Variants in WWOX observed in about 807,000 individuals in gnomAD.
WWOX encodes WW domain containing oxidoreductase, also known as WW domain-containing oxidoreductase.
WWOX carries 69 observed loss-of-function variants against 46.2 expected under a neutral mutation model. The ratio of observed to expected loss-of-function variants is 1.49; its 90% CI spans 1.23 to 1.82. The LOEUF (loss-of-function observed/expected upper bound fraction) is 1.82, where lower values mean the gene tolerates loss of function less well. Ranked by LOEUF, WWOX falls within the 40% of genes most tolerant of loss-of-function variation. WWOX has a pLI of 0.00. For missense variants in WWOX, 919 were observed against 542.6 expected (o/e 1.69, Z -6.89); for synonymous variants, 359 against 202.6 (o/e 1.77, Z -6.56).
intron 7 of WWOX, among the ~76,000 whole-genome samples, chr16:78,430,505 C>T (rs1022866966): frequency 1.7e-4 from 26 of 152,252 alleles, no homozygotes; most frequent in African/African-American, 6.0e-4. Context: ...CTGGGGCATT[C>T]TTCATTGAGC....
chr16:78,524,420 ATTTATTTATTTG>A (rs1567621566), intron 8 of WWOX, among the ~76,000 whole-genome samples: 84 of 95,094 alleles, frequency 8.8e-4, no homozygotes, highest in African/African-American at 2.7e-3. Context: ...TTATTTATTT[ATTTATTTATTTG>A]TTTGTTTGAG....
intron 8 of WWOX, among the ~76,000 whole-genome samples, chr16:78,499,864 C>T (rs983999002): frequency 2.6e-5 from 4 of 152,188 alleles, no homozygotes; most frequent in Admixed American, 2.6e-4. Context: ...ATGGACCCCT[C>T]CCTTACATTC....
In WWOX at chr16:79,160,302, G is replaced by C. The variant is rs140036353; in HGVS notation, c.1057-51306G>C. On this transcript the variant is annotated intron_variant, in intron 8 of 8. Coordinates refer to ENST00000566780, the MANE Select transcript of WWOX (RefSeq NM_016373.4). ...AGACTATTTCGTGAGAAAGAAGGAA[G>C]ATAGACTCCATGCAACACAGTGGGT... Among the ~76,000 whole-genome samples the C allele has an allele frequency of 1.2e-3, 186 of 152,296 alleles. 1 individual carries two copies. Among genetic ancestry groups the C allele is most frequent in the African/African-American group, 4.1e-3 (169 of 41,572 alleles).
chr16:78,304,610 G>T (rs568831291), intron 5 of WWOX, among the ~76,000 whole-genome samples: 2 of 152,142 alleles, frequency 1.3e-5, no homozygotes, highest in Non-Finnish European at 2.9e-5. Flanking sequence ...AGATATATAC[G>T]CGTGCTGCTT....
intron 7 of WWOX, among the ~76,000 whole-genome samples, chr16:78,431,248 G>A: frequency 6.6e-6 from 1 of 152,136 alleles, no homozygotes; most frequent in East Asian, 1.9e-4. Flanking sequence ...CATGCCATGG[G>A]TATACTTAAA....
chr16:78,991,353 G>T (rs906775362), intron 8 of WWOX, among the ~76,000 whole-genome samples: 1 of 152,124 alleles, frequency 6.6e-6, no homozygotes, highest in South Asian at 2.1e-4. Flanking sequence ...CAGCATTTTG[G>T]GAGGCTGAGA....
At chr16:78,426,642 T>G (rs968535880) in intron 7 of WWOX, among the ~76,000 whole-genome samples, 1 of 152,124 alleles carries the variant, frequency 6.6e-6, no homozygotes, top group African/African-American at 2.4e-5. Flanking sequence ...TTCCAATTAT[T>G]CTTTGCACAT....
intron 8 of WWOX, among the ~76,000 whole-genome samples, chr16:78,458,378 A>T (rs973434512): frequency 1.3e-5 from 2 of 151,208 alleles, no homozygotes; most frequent in African/African-American, 4.9e-5. Context: ...CTCTGGCCTC[A>T]GCCTCCCAAG....
chr16:78,108,508 G>A (rs760754269), intron 2 of WWOX, 21 bp downstream of exon 2: 1 of 1,613,222 alleles, frequency 6.2e-7, no homozygotes, highest in South Asian at 1.1e-5. Flanking sequence ...TGTTGTCTAA[G>A]GATCTTGGAT....
chr16:78,380,326 T>C (rs954297748), intron 5 of WWOX, among the ~76,000 whole-genome samples: 35 of 152,196 alleles, frequency 2.3e-4, no homozygotes, highest in South Asian at 4.1e-4. Flanking sequence ...TTTGCAGTTA[T>C]TATCTTGATG....
chr16:79,118,591 A>G (rs1354449382), intron 8 of WWOX, among the ~76,000 whole-genome samples: 1 of 152,230 alleles, frequency 6.6e-6, no homozygotes, highest in Admixed American at 6.5e-5. Context: ...AAGGAAATGC[A>G]ATAAAATGAG....
chr16:79,109,462 G>C (rs2049375065), intron 8 of WWOX, among the ~76,000 whole-genome samples: 2 of 152,092 alleles, frequency 1.3e-5, no homozygotes, highest in Admixed American at 6.5e-5. Context: ...GAGAGAGCCG[G>C]GCAGGTTGGT....
chr16:78,986,737 A>C (rs1235275665), intron 8 of WWOX, among the ~76,000 whole-genome samples: 2 of 152,200 alleles, frequency 1.3e-5, no homozygotes, highest in Admixed American at 1.3e-4. Context: ...ATGTTGAAAC[A>C]TCTTTGCCAT....
At chr16:78,954,002 G>A (rs576056575) in intron 8 of WWOX, among the ~76,000 whole-genome samples, 3 of 152,322 alleles carry the variant, frequency 2.0e-5, no homozygotes, top group Admixed American at 6.5e-5. Context: ...TGAACAACAC[G>A]TGGTCTTTGC....
At chr16:78,663,171 G>T (rs935701874) in intron 8 of WWOX, among the ~76,000 whole-genome samples, 2 of 152,002 alleles carry the variant, frequency 1.3e-5, no homozygotes, top group African/African-American at 4.8e-5. Context: ...TTATACCCCC[G>T]ATCTCTTGAC....
At chr16:79,116,048 A>G (rs1353168158) in intron 8 of WWOX, among the ~76,000 whole-genome samples, 1 of 152,230 alleles carries the variant, frequency 6.6e-6, no homozygotes, top group East Asian at 1.9e-4. Context: ...TCTTAAGTGT[A>G]CAATAGCATT....
At chr16:78,986,479 C>G (rs2046787115) in intron 8 of WWOX, among the ~76,000 whole-genome samples, 1 of 152,200 alleles carries the variant, frequency 6.6e-6, no homozygotes, top group Admixed American at 6.5e-5. Context: ...GATTGTACCA[C>G]TCTTTGGATT....
intron 8 of WWOX, among the ~76,000 whole-genome samples, chr16:78,792,259 G>A (rs1258676217): frequency 6.6e-6 from 1 of 152,152 alleles, no homozygotes; most frequent in Non-Finnish European, 1.5e-5. Context: ...TCTGGCAATG[G>A]GGCTGGGAAT....
intron 8 of WWOX, among the ~76,000 whole-genome samples, chr16:79,012,911 G>C (rs557957456): frequency 3.3e-5 from 5 of 152,344 alleles, no homozygotes; most frequent in African/African-American, 1.2e-4. Context: ...CCACCAGCAG[G>C]CTGGGTGTGG....
Sources: gnomAD v4.1 joint callset for allele counts (sites outside exome capture counted in the v4.1 genomes callset) on GRCh38, gnomAD v4.1.1 for gene constraint, MANE v1.5 for transcripts, NCBI Gene and HGNC (gene_info 2026-07-23, HGNC 2026-07-21) for gene names.